PRICKLE2: variants seen among roughly 807,000 people sequenced by gnomAD.
PRICKLE2 encodes prickle-like protein 2.
PRICKLE2 carries 21 observed loss-of-function variants against 81.4 expected under a neutral mutation model. The observed-to-expected ratio is 0.26, with a 90% CI of 0.18 to 0.37. The LOEUF (loss-of-function observed/expected upper bound fraction) is 0.37, where lower values mean the gene tolerates loss of function less well. PRICKLE2 is among the 10% of genes least tolerant of loss of function. The pLI is 1.00. For synonymous variants in PRICKLE2, 456 were observed against 421.5 expected, an observed-to-expected ratio of 1.08 and a Z score of -1.00; for missense variants, 940 against 1,109.0, an observed-to-expected ratio of 0.85 and a Z score of 2.16.
chr3:64,093,558 T>A lies in PRICKLE2; in HGVS notation c.*5493A>T, dbSNP rs2076531471. ...TTTTAATAACTGCCATCCTAATGGT[T>A]GTGATGGGAGACATTTTTAGTTGTC... On this transcript the variant is annotated 3_prime_UTR_variant, in exon 8 of 8. Coordinates refer to ENST00000638394, the MANE Select transcript of PRICKLE2 (RefSeq NM_198859.4). The A allele has an allele frequency of 6.6e-6, 1 of 152,192 alleles. No homozygotes were observed. Among genetic ancestry groups the A allele is most frequent in the African/African-American group, 2.4e-5 (1 of 41,438 alleles). 9.4% of individuals were successfully genotyped at this position (152,192 alleles called of 1,614,324 possible). A position where few individuals can be genotyped will look rare whatever the true frequency, so the allele number is the denominator to read the frequency against.
intron 2 of PRICKLE2, among the ~76,000 whole-genome samples, chr3:64,238,485 CA>C (rs11291908): frequency 0.77 from 80,776 of 104,308 alleles, 29,729 homozygotes; most frequent in East Asian, 0.86. Flanking sequence ...GACTCCGTCT[CA>C]AAAAAAAAAA....
Position 64,099,524 on chromosome 3 carries a change from T to G in PRICKLE2, c.2062A>C (p.Arg688=). ...TCGGAGCGAGAGCGTCGGGAACGCCTGGACCTGTGAGGTCGGAAACGGCGG... is the reference window on the plus strand; with the variant it reads ...TCGGAGCGAGAGCGTCGGGAACGCCGGGACCTGTGAGGTCGGAAACGGCGG... ...DNRRFRPHRS[R]RSRRSRSDNA... is the part of the protein sequence containing the mutation. Residue 688 remains arginine, a synonymous_variant, in exon 8 of 8, where the codon AGG becomes CGG. Transcript: ENST00000638394. The surrounding 1 kb of genome is among the most constrained non-coding windows in gnomAD (Gnocchi z 4.3). 6.2e-7 allele frequency: 1 copy of G among 1,607,736 alleles called. No individual in the cohort carries two copies. Among genetic ancestry groups the G allele is most frequent in the Non-Finnish European group, 8.5e-7 (1 of 1,174,760 alleles).
At chr3:64,263,695 G>A (rs1429620413) in intron 2 of PRICKLE2, among the ~76,000 whole-genome samples, 1 of 152,128 alleles carries the variant, frequency 6.6e-6, no homozygotes, top group African/African-American at 2.4e-5. Context: ...GCAAGAAAGT[G>A]GCACCTACAT....
intron 2 of PRICKLE2, among the ~76,000 whole-genome samples, chr3:64,164,416 C>T (rs1468113196): frequency 6.6e-6 from 1 of 152,104 alleles, no homozygotes; most frequent in African/African-American, 2.4e-5. Flanking sequence ...AATTCCTTTG[C>T]ATTTAGGGAG....
At chr3:64,197,844 C>T (rs1182055757) in intron 2 of PRICKLE2, among the ~76,000 whole-genome samples, 1 of 151,826 alleles carries the variant, frequency 6.6e-6, no homozygotes, top group Non-Finnish European at 1.5e-5. Context: ...TACCCATGAA[C>T]TGAAAATAAA....
chr3:64,242,775 T>A (rs982806515), intron 2 of PRICKLE2, among the ~76,000 whole-genome samples: 11 of 152,232 alleles, frequency 7.2e-5, no homozygotes, highest in Admixed American at 2.6e-4. Context: ...AGTCTGTGAA[T>A]GGCAATCTGT....
At chr3:64,198,580 T>C (rs2078507135) in intron 2 of PRICKLE2, 2 of 642,448 alleles carry the variant, frequency 3.1e-6, no homozygotes, top group South Asian at 3.6e-5. Context: ...CAATACAGAA[T>C]GAATTAGCAA....
chr3:64,217,490 C>T (rs1427016995), intron 1 of PRICKLE2, among the ~76,000 whole-genome samples: 1 of 152,186 alleles, frequency 6.6e-6, no homozygotes, highest in Non-Finnish European at 1.5e-5. Context: ...GCCTGCAGAA[C>T]ATTCACATTC....
At chr3:64,160,155 T>C in intron 3 of PRICKLE2, 78 bp from the exon 4 acceptor site, 5 of 1,475,606 alleles carry the variant, frequency 3.4e-6, no homozygotes, top group Non-Finnish European at 3.8e-6. Flanking sequence ...CTCTGAGTTT[T>C]CTCGTTAAAT....
intron 2 of PRICKLE2, among the ~76,000 whole-genome samples, chr3:64,177,643 T>C (rs779403538): frequency 1.3e-5 from 2 of 152,216 alleles, no homozygotes; most frequent in Non-Finnish European, 2.9e-5. Context: ...CTAGTCTAGA[T>C]ACTTCATATA....
intron 5 of PRICKLE2, chr3:64,153,617 A>C: frequency 2.0e-6 from 1 of 497,314 alleles, no homozygotes; most frequent in Non-Finnish European, 3.6e-6. Context: ...ATTTAATAAG[A>C]GAAAGAATGT....
intron 6 of PRICKLE2, among the ~76,000 whole-genome samples, chr3:64,152,134 A>T (rs2077557956): frequency 6.6e-6 from 1 of 152,210 alleles, no homozygotes; most frequent in Admixed American, 6.5e-5. Context: ...AACCAAGAAA[A>T]CAAAGCCACT....
intron 1 of PRICKLE2, among the ~76,000 whole-genome samples, chr3:64,202,369 T>A (rs1683308788): frequency 6.6e-6 from 1 of 152,208 alleles, no homozygotes; most frequent in South Asian, 2.1e-4. Flanking sequence ...TTAATGATAT[T>A]AAGTCTGCCA....
intron 7 of PRICKLE2, 92 bp downstream of exon 7, chr3:64,146,738 A>G (rs2077460431): frequency 6.9e-7 from 1 of 1,459,192 alleles, no homozygotes; most frequent in African/African-American, 1.4e-5. Context: ...GCGAGACTCC[A>G]TTTCAAAAAA....
intron 7 of PRICKLE2, among the ~76,000 whole-genome samples, chr3:64,134,541 C>T (rs116207911): frequency 1.3e-3 from 199 of 152,200 alleles, no homozygotes; most frequent in Non-Finnish European, 2.3e-3. Flanking sequence ...GGAGGTTTAG[C>T]GGCACCCCTG....
At chr3:64,118,518 C>G (rs1446607509) in intron 7 of PRICKLE2, among the ~76,000 whole-genome samples, 2 of 151,944 alleles carry the variant, frequency 1.3e-5, no homozygotes, top group African/African-American at 2.4e-5. Context: ...CCAAACCACC[C>G]CATTAAAAAG....
intron 2 of PRICKLE2, among the ~76,000 whole-genome samples, chr3:64,171,673 G>T (rs2077934171): frequency 1.3e-5 from 2 of 152,216 alleles, no homozygotes; most frequent in South Asian, 4.1e-4. Flanking sequence ...AGCTGTCTGG[G>T]TTATTAGAGG....
chr3:64,126,077 T>C (rs2077101647), intron 7 of PRICKLE2, among the ~76,000 whole-genome samples: 1 of 152,152 alleles, frequency 6.6e-6, no homozygotes, highest in Admixed American at 6.5e-5. Context: ...TATATTTCTG[T>C]AGTTTGTAAT....
At chr3:64,228,940 G>C (rs2079065688), upstream of PRICKLE2, among the ~76,000 whole-genome samples, 2 of 152,146 alleles carry the variant, frequency 1.3e-5, no homozygotes, top group Non-Finnish European at 2.9e-5. Flanking sequence ...AGTATGATCT[G>C]GGTCAGGCCC....
Sources: gnomAD v4.1 joint callset for allele counts (sites outside exome capture counted in the v4.1 genomes callset) on GRCh38, gnomAD v4.1.1 for gene constraint, Gnocchi (gnomAD v3.1) non-coding constraint, MANE v1.5 for transcripts, NCBI Gene and HGNC (gene_info 2026-07-23, HGNC 2026-07-21) for gene names.